The following CNTN1 variants were observed in gnomAD, a reference collection of about 807,000 sequenced individuals.
The protein encoded by CNTN1 is contactin-1.
CNTN1 carries 38 observed loss-of-function variants against 126.4 expected under a neutral mutation model. That is an observed-to-expected ratio of 0.30 (90% CI 0.23 to 0.39). The LOEUF is 0.39. Ranked by LOEUF, CNTN1 falls within the 10% of genes least tolerant of loss-of-function variation. The pLI is 1.00. For synonymous variants in CNTN1, 413 were observed against 422.6 expected (o/e 0.98, Z 0.28); for missense variants, 1,009 against 1,248.4 (o/e 0.81, Z 2.89).
At chr12:40,872,074 G>C (rs184507918) in intron 1 of CNTN1, among the ~76,000 whole-genome samples, 2 of 152,064 alleles carry the variant, frequency 1.3e-5, no homozygotes, top group Non-Finnish European at 2.9e-5. Context: ...GTCATCTACT[G>C]TGAATCTTGA....
intron 1 of CNTN1, among the ~76,000 whole-genome samples, chr12:40,763,797 A>G (rs747985649): frequency 1.3e-5 from 2 of 152,210 alleles, no homozygotes; most frequent in Non-Finnish European, 2.9e-5. Flanking sequence ...TATCCTCACA[A>G]TCACAAAATC....
chr12:41,027,712 C>T, intron 21 of CNTN1, 145 bp from the exon 22 acceptor site: 1 of 692,856 alleles, frequency 1.4e-6, no homozygotes, highest in Non-Finnish European at 2.6e-6. Context: ...AAGTGCTTAG[C>T]ATAGTGCCTG....
intron 1 of CNTN1, among the ~76,000 whole-genome samples, chr12:40,748,679 C>T (rs1289303165): frequency 2.6e-5 from 4 of 151,992 alleles, no homozygotes; most frequent in Admixed American, 2.0e-4. Flanking sequence ...CATTTAATCA[C>T]AAAAAGTAAT....
At chr12:40,939,704 T>A (rs184288049) in intron 12 of CNTN1, among the ~76,000 whole-genome samples, 35 of 152,262 alleles carry the variant, frequency 2.3e-4, no homozygotes, top group African/African-American at 8.4e-4. Context: ...ATAAGGAATT[T>A]AGAAAATTGA....
chr12:40,808,045 T>C (rs1359407579), intron 1 of CNTN1, among the ~76,000 whole-genome samples: 1 of 152,162 alleles, frequency 6.6e-6, no homozygotes, highest in East Asian at 1.9e-4. Context: ...TTCCCTCAAC[T>C]GTCAATGGTA....
intron 1 of CNTN1, among the ~76,000 whole-genome samples, chr12:40,800,797 G>A (rs1409162061): frequency 2.0e-5 from 3 of 152,040 alleles, no homozygotes; most frequent in Non-Finnish European, 4.4e-5. Flanking sequence ...CCTGGAGAAA[G>A]CAAAGTGAAA....
chr12:40,886,883 T>C (rs967479376), intron 1 of CNTN1, among the ~76,000 whole-genome samples: 2 of 152,206 alleles, frequency 1.3e-5, no homozygotes, highest in African/African-American at 4.8e-5. Flanking sequence ...GTTGTAGATA[T>C]GTGGCATTAA....
intron 1 of CNTN1, among the ~76,000 whole-genome samples, chr12:40,787,281 T>C (rs1220788061): frequency 1.3e-5 from 2 of 152,172 alleles, no homozygotes; most frequent in Non-Finnish European, 2.9e-5. Context: ...GACTCAGGAC[T>C]TGGCAGCTAT....
intron 18 of CNTN1, among the ~76,000 whole-genome samples, chr12:41,016,222 A>G (rs1302266316): frequency 1.3e-5 from 2 of 152,234 alleles, no homozygotes; most frequent in Admixed American, 1.3e-4. Flanking sequence ...TAGTTGAGAG[A>G]GACAATAAAG....
intron 1 of CNTN1, among the ~76,000 whole-genome samples, chr12:40,882,843 TA>T (rs752582171): frequency 1.3e-4 from 19 of 151,736 alleles, no homozygotes; most frequent in Non-Finnish European, 1.6e-4. Context: ...CTTTTAAAAT[TA>T]TTTTTTTTCT....
chr12:41,007,045 G>GTTTTTTTT (rs71078294), intron 17 of CNTN1, among the ~76,000 whole-genome samples: 4 of 69,244 alleles, frequency 5.8e-5, no homozygotes, highest in Non-Finnish European at 1.0e-4. Flanking sequence ...GTTTTGTGTG[G>GTTTTTTTT]TTTTTTTTTT....
chr12:41,002,331 TCTC>T (rs1342169517), intron 17 of CNTN1, among the ~76,000 whole-genome samples: 1 of 152,118 alleles, frequency 6.6e-6, no homozygotes, highest in Non-Finnish European at 1.5e-5. Context: ...GGTTTGTAGT[TCTC>T]CTTGTAGAGA....
chr12:40,875,362 A>G (rs571675751), intron 1 of CNTN1, among the ~76,000 whole-genome samples: 1 of 152,146 alleles, frequency 6.6e-6, no homozygotes, highest in African/African-American at 2.4e-5. Context: ...TGTCACCACA[A>G]TGATCCCTCC....
At chr12:40,908,631 G>A in intron 2 of CNTN1, 138 bp downstream of exon 2, 2 of 589,020 alleles carry the variant, frequency 3.4e-6, no homozygotes, top group South Asian at 4.2e-5. Flanking sequence ...TATGTATCAA[G>A]GGTGACCCTA....
chr12:40,773,245 A>G (rs1939415236), intron 1 of CNTN1, among the ~76,000 whole-genome samples: 2 of 151,802 alleles, frequency 1.3e-5, no homozygotes, highest in Non-Finnish European at 3.0e-5. Flanking sequence ...AAGTGCTGAT[A>G]AAACACTCTA....
At chr12:40,947,068 C>T (rs1329285221) in intron 14 of CNTN1, among the ~76,000 whole-genome samples, 1 of 151,828 alleles carries the variant, frequency 6.6e-6, no homozygotes, top group Non-Finnish European at 1.5e-5. Context: ...GCAAAAATAA[C>T]ACTGTCTTTG....
At position 40,981,083 on chromosome 12, in the gene CNTN1, C is replaced by G. The variant is rs1454250943; in HGVS notation, c.1963+16C>G. ...GCAAAGACAGGTGAGTTTTATTTGTCTGATTAATCCGTGCATGTTTTCAAA... is the reference window on the plus strand; with the variant it reads ...GCAAAGACAGGTGAGTTTTATTTGTGTGATTAATCCGTGCATGTTTTCAAA... On this transcript the variant is annotated intron_variant, in intron 16 of 23. Transcript: ENST00000551295. 1 of 1,611,086 alleles carries G rather than the reference C, an allele frequency of 6.2e-7. No individual in the cohort carries two copies. Among genetic ancestry groups the G allele is most frequent in the Non-Finnish European group, 8.5e-7 (1 of 1,179,110 alleles).
At position 40,939,342 on chromosome 12, in the gene CNTN1, T is replaced by C; in HGVS notation, c.1236T>C (p.Ala412=). 1 of 1,613,808 alleles carries C rather than the reference T, an allele frequency of 6.2e-7. No homozygotes were observed. Among genetic ancestry groups the C allele is most frequent in the Non-Finnish European group, 8.5e-7 (1 of 1,179,868 alleles). ...ANAELKILAL[A]PTFEMNPMKK... ...AATTTGTTTTCTTTTTAGCGTTGGC[T>C]CCAACTTTTGAAATGAATCCTATGA... The change falls in exon 12 of 24, where the codon GCT becomes GCC. Residue 412 remains alanine (A), a synonymous_variant. Coordinates refer to ENST00000551295, the MANE Select transcript of CNTN1 (RefSeq NM_001843.4).
intron 1 of CNTN1, among the ~76,000 whole-genome samples, chr12:40,812,164 A>G (rs1233899356): frequency 6.6e-6 from 1 of 151,936 alleles, no homozygotes; most frequent in Non-Finnish European, 1.5e-5. Flanking sequence ...ATTCAGGAGC[A>G]TATTGTTTAA....
Sources: allele counts gnomAD v4.1 joint callset (sites outside exome capture counted in the v4.1 genomes callset), GRCh38; gene constraint gnomAD v4.1.1; transcripts MANE v1.5; gene names NCBI Gene and HGNC (gene_info 2026-07-23, HGNC 2026-07-21).